The following ARHGEF3 variants were observed in gnomAD, a reference collection of about 807,000 sequenced individuals.
The protein encoded by ARHGEF3 is Rho guanine nucleotide exchange factor 3.
In ARHGEF3, 28 loss-of-function variants were observed where a neutral mutation model predicts 63.2. The ratio of observed to expected loss-of-function variants is 0.44; its 90% CI spans 0.33 to 0.61. ARHGEF3 has a LOEUF of 0.61. Ranked by LOEUF, ARHGEF3 falls within the 20% of genes least tolerant of loss-of-function variation. The pLI is 0.03. For missense variants in ARHGEF3, 533 were observed against 659.3 expected (o/e 0.81, Z 2.10); for synonymous variants, 266 against 254.2 (o/e 1.05, Z -0.44).
At chr3:56,838,295 A>G (rs920163014) in intron 4 of ARHGEF3, among the ~76,000 whole-genome samples, 5 of 152,220 alleles carry the variant, frequency 3.3e-5, no homozygotes, top group African/African-American at 1.2e-4. Context: ...ATTTAAATGC[A>G]TGGAAGAACA....
rs375625615 is a variant in ARHGEF3 at position 57,012,770 on chromosome 3, G to A, written c.62+22318C>T. On this transcript the variant is annotated intron_variant, in intron 2 of 12. Coordinates refer to the ARHGEF3 transcript ENST00000338458. The stretch of plus-strand genomic sequence containing the variant: ...CTCTTGGTGCCTCCTCAGCCTTGGC[G>A]CCCACTCTGGCCACACTTGAGGAGC... Among the ~76,000 whole-genome samples the A allele has an allele frequency of 1.3e-4, 20 of 152,200 alleles. No homozygotes were observed. The East Asian group carries it at 1.3e-3, about 10-fold the overall frequency.
intron 4 of ARHGEF3, among the ~76,000 whole-genome samples, chr3:56,846,113 G>A: frequency 6.6e-6 from 1 of 152,168 alleles, no homozygotes; most frequent in East Asian, 1.9e-4. Flanking sequence ...TAATCTGTTT[G>A]TTATAGAGTA....
chr3:56,936,795 C>T (rs1358391253), intron 3 of ARHGEF3, among the ~76,000 whole-genome samples: 1 of 152,220 alleles, frequency 6.6e-6, no homozygotes, highest in Non-Finnish European at 1.5e-5. Context: ...TCACAGCTCA[C>T]TGCAGCCTCC....
rs1038958047 is a variant in ARHGEF3, at chr3:56,776,822, C to T, written c.97-3006G>A. ...GCTGCCAGACCAAGCTGGGCAAGGT[C>T]AATGCTAAACCCAGGAACCAAGTGT... On this transcript the variant is annotated intron_variant, in intron 1 of 9. Transcript: ENST00000296315. Among the ~76,000 whole-genome samples, 3 of 152,122 alleles carry T rather than the reference C, an allele frequency of 2.0e-5. No homozygotes were observed. The South Asian group carries it at 6.2e-4, about 32-fold the overall frequency.
chr3:56,737,538 T>C (rs1666789278), intron 7 of ARHGEF3, among the ~76,000 whole-genome samples, 183 bp from the exon 8 acceptor site: 1 of 152,086 alleles, frequency 6.6e-6, no homozygotes, highest in Non-Finnish European at 1.5e-5. Context: ...TGCATCTATC[T>C]ATCCATCTGT....
chr3:57,067,011 C>A (rs995148983), intron 1 of ARHGEF3, among the ~76,000 whole-genome samples: 1 of 152,166 alleles, frequency 6.6e-6, no homozygotes, highest in African/African-American at 2.4e-5. Flanking sequence ...TTCTGTTTCT[C>A]TCCAAACCCT....
At position 56,886,446 on chromosome 3, in the gene ARHGEF3, T is replaced by C. The variant is rs148150671; in HGVS notation, c.130-4092A>G. On this transcript the variant is annotated intron_variant, in intron 3 of 12. Transcript: ENST00000338458. ...CAGATGGAAACACCACATAAAGACATTTCACGCTCTACCCAGGAACTGGGA... is the reference window on the plus strand; with the variant it reads ...CAGATGGAAACACCACATAAAGACACTTCACGCTCTACCCAGGAACTGGGA... Among the ~76,000 whole-genome samples the C allele has an allele frequency of 3.1e-4, 47 of 152,248 alleles. No individual in the cohort carries two copies. In the South Asian group the frequency reaches 6.4e-3, roughly 21 times the overall value.
chr3:56,768,265 G>T (rs772947663), intron 2 of ARHGEF3, among the ~76,000 whole-genome samples: 1 of 152,086 alleles, frequency 6.6e-6, no homozygotes, highest in Non-Finnish European at 1.5e-5. Flanking sequence ...CGCCATGTTG[G>T]CCAGGTTGGT....
chr3:56,847,638 C>T (rs1370244073), intron 4 of ARHGEF3, among the ~76,000 whole-genome samples: 3 of 152,084 alleles, frequency 2.0e-5, no homozygotes, highest in South Asian at 2.1e-4. Flanking sequence ...AGTGCAGTGG[C>T]GTGGTCTCGG....
intron 2 of ARHGEF3, among the ~76,000 whole-genome samples, chr3:56,984,651 A>G (rs1033146940): frequency 3.3e-5 from 5 of 152,250 alleles, no homozygotes; most frequent in East Asian, 3.8e-4. Flanking sequence ...CATTTCCCAA[A>G]TGGACTACAA....
intron 4 of ARHGEF3, among the ~76,000 whole-genome samples, chr3:56,823,694 C>T (rs1238121441): frequency 2.0e-5 from 3 of 151,998 alleles, no homozygotes; most frequent in Non-Finnish European, 2.9e-5. Context: ...GAAAGAAAAC[C>T]CCAAATAACT....
At chr3:56,786,447 T>G (rs775960685) in intron 1 of ARHGEF3, among the ~76,000 whole-genome samples, 2 of 152,170 alleles carry the variant, frequency 1.3e-5, no homozygotes, top group Non-Finnish European at 2.9e-5. Context: ...ATGTTATTCT[T>G]TGGGAGGGGT....
chr3:56,772,406 A>G (rs565491450), intron 2 of ARHGEF3, among the ~76,000 whole-genome samples: 1 of 152,306 alleles, frequency 6.6e-6, no homozygotes, highest in Admixed American at 6.5e-5. Flanking sequence ...TCACAGCATG[A>G]GGCATGCCTT....
chr3:56,765,365 A>G (rs2035646301), intron 2 of ARHGEF3, among the ~76,000 whole-genome samples: 1 of 152,112 alleles, frequency 6.6e-6, no homozygotes, highest in South Asian at 2.1e-4. Context: ...CCATGATTAT[A>G]TCCTCTCCCT....
intron 1 of ARHGEF3, among the ~76,000 whole-genome samples, chr3:57,069,797 G>A (rs190080921): frequency 4.5e-4 from 68 of 152,118 alleles, no homozygotes; most frequent in Non-Finnish European, 8.2e-4. Flanking sequence ...GACATGTGCC[G>A]TCACACCCAA....
At chr3:57,005,064 C>A (rs764175531) in intron 2 of ARHGEF3, among the ~76,000 whole-genome samples, 13 of 151,982 alleles carry the variant, frequency 8.6e-5, no homozygotes, top group Non-Finnish European at 1.5e-4. Context: ...TTCTTAGAAT[C>A]TGCAAGGGAT....
At position 56,732,311 on chromosome 3, in the gene ARHGEF3, CAGG is replaced by C. The variant is rs2107683478; in HGVS notation, c.1152_1154del (p.Leu386del). ...CTTCTCCATCCTGGAGGTCTTCCAG[CAGG>C]AGGTCTTTCACGGGGATTGGCTGAC... On this transcript the variant is annotated inframe_deletion, in exon 9 of 10. Transcript: ENST00000296315. The C allele has an allele frequency of 6.2e-7, 1 of 1,614,188 alleles. No individual in the cohort carries two copies. Among genetic ancestry groups the C allele is most frequent in the African/African-American group, 1.3e-5 (1 of 75,068 alleles).
intron 2 of ARHGEF3, among the ~76,000 whole-genome samples, chr3:56,965,819 T>C (rs1335915049): frequency 1.3e-5 from 2 of 151,928 alleles, no homozygotes; most frequent in African/African-American, 4.8e-5. Flanking sequence ...TGGCTAATTT[T>C]TTGTATTTTT....
intron 1 of ARHGEF3, among the ~76,000 whole-genome samples, chr3:57,063,629 G>A (rs1169887428): frequency 1.1e-4 from 17 of 152,184 alleles, no homozygotes; most frequent in African/African-American, 4.1e-4. Flanking sequence ...TGTGGGAAGA[G>A]GATCAGGAGA....
Sources: gnomAD v4.1 joint callset for allele counts (sites outside exome capture counted in the v4.1 genomes callset) on GRCh38, gnomAD v4.1.1 for gene constraint, MANE v1.5 for transcripts, NCBI Gene and HGNC (gene_info 2026-07-23, HGNC 2026-07-21) for gene names.